Variants in DNER observed in about 807,000 individuals in gnomAD.
DNER encodes the protein delta and Notch-like epidermal growth factor-related receptor.
Under a neutral mutation model 78.2 loss-of-function variants are expected in DNER, and 33 were observed. That is an observed-to-expected ratio of 0.42 (90% CI 0.32 to 0.56). The LOEUF is 0.56. Ranked by LOEUF, DNER falls within the 20% of genes least tolerant of loss-of-function variation. The probability of loss-of-function intolerance (pLI) is 0.11; values close to 1 mark genes in which losing one functional copy is unlikely to be tolerated. For synonymous variants in DNER, 417 were observed against 384.8 expected (o/e 1.08, Z -0.98); for missense variants, 918 against 975.3 (o/e 0.94, Z 0.78).
intron 11 of DNER, among the ~76,000 whole-genome samples, chr2:229,382,807 G>C (rs1310319323): frequency 2.6e-5 from 4 of 152,148 alleles, no homozygotes; most frequent in African/African-American, 9.7e-5. Context: ...ACTTGAAAGT[G>C]ACGGGGAGAA....
intron 1 of DNER, among the ~76,000 whole-genome samples, chr2:229,656,911 C>A (rs1462018380): frequency 6.6e-6 from 1 of 151,590 alleles, no homozygotes; most frequent in Non-Finnish European, 1.5e-5. Context: ...GACATAATGA[C>A]TTAATACACA....
chr2:229,400,241 T>A (rs1693238387), intron 10 of DNER, among the ~76,000 whole-genome samples: 1 of 152,056 alleles, frequency 6.6e-6, no homozygotes, highest in Non-Finnish European at 1.5e-5. Flanking sequence ...AATTCATGTT[T>A]AGCTTAATAT....
chr2:229,648,843 C>T (rs952843457), intron 1 of DNER, among the ~76,000 whole-genome samples: 4 of 152,186 alleles, frequency 2.6e-5, no homozygotes, highest in African/African-American at 9.7e-5. Context: ...CTGAATAGTA[C>T]ACTTTGCCCC....
At position 229,678,130 on chromosome 2, in the gene DNER, G is replaced by A. The variant is rs142420013; in HGVS notation, c.276+36018C>T. 8.6e-3 allele frequency among the ~76,000 whole-genome samples: 1,316 copies of A among 152,242 alleles called. 23 individuals are homozygous for A. Among genetic ancestry groups the A allele is most frequent in the African/African-American group, 0.03 (1,249 of 41,528 alleles). ...TCATGCATGCCAGAATTTCTCATCC[G>A]AAACCATGCATGGCAGCAAGCAAGT... On this transcript the variant is annotated intron_variant, in intron 1 of 12. Coordinates refer to ENST00000341772, the MANE Select transcript of DNER (RefSeq NM_139072.4).
At chr2:229,608,664 T>G (rs1697986089) in intron 1 of DNER, among the ~76,000 whole-genome samples, 1 of 152,202 alleles carries the variant, frequency 6.6e-6, no homozygotes, top group Admixed American at 6.5e-5. Flanking sequence ...AAAAATATTT[T>G]AAGAGATGAA....
intron 1 of DNER, among the ~76,000 whole-genome samples, chr2:229,635,249 C>T (rs949353099): frequency 6.6e-6 from 1 of 151,790 alleles, no homozygotes; most frequent in African/African-American, 2.4e-5. Flanking sequence ...ATGCCTAGTA[C>T]AGCAGGAGAC....
At chr2:229,544,813 C>T (rs907044928) in intron 5 of DNER, among the ~76,000 whole-genome samples, 5 of 152,236 alleles carry the variant, frequency 3.3e-5, no homozygotes, top group Admixed American at 6.5e-5. Context: ...GGATTACAGG[C>T]GTGAGCCACT....
At chr2:229,631,954 T>A (rs1698439895) in intron 1 of DNER, among the ~76,000 whole-genome samples, 1 of 152,238 alleles carries the variant, frequency 6.6e-6, no homozygotes, top group Admixed American at 6.5e-5. Flanking sequence ...TTATGGTCAC[T>A]CTTATTACTA....
intron 11 of DNER, among the ~76,000 whole-genome samples, chr2:229,386,051 T>C (rs905378669): frequency 2.0e-5 from 3 of 152,108 alleles, no homozygotes; most frequent in Non-Finnish European, 2.9e-5. Flanking sequence ...GGAGGCATCA[T>C]GTTACCTGAT....
At chr2:229,475,342 G>A (rs1042702512) in intron 7 of DNER, among the ~76,000 whole-genome samples, 4 of 152,168 alleles carry the variant, frequency 2.6e-5, no homozygotes, top group African/African-American at 9.7e-5. Flanking sequence ...TGCCCTGCCT[G>A]CTTCCACCTG....
intron 1 of DNER, among the ~76,000 whole-genome samples, chr2:229,687,852 C>A (rs1371835252): frequency 6.6e-6 from 1 of 152,212 alleles, no homozygotes; most frequent in Non-Finnish European, 1.5e-5. Context: ...TGCTTTGGGT[C>A]ATACTGATGT....
At chr2:229,602,418 C>T (rs7588294) in intron 1 of DNER, among the ~76,000 whole-genome samples, 4,659 of 152,222 alleles carry the variant, frequency 0.031, 216 homozygotes, top group African/African-American at 0.097. Context: ...CTCTCTGAAA[C>T]TGGGAAGAAA....
At chr2:229,369,246 TTA>T (rs556773653) in intron 11 of DNER, among the ~76,000 whole-genome samples, 1 of 151,432 alleles carries the variant, frequency 6.6e-6, no homozygotes, top group African/African-American at 2.4e-5. Flanking sequence ...CCTAAAAAGT[TTA>T]AAAAAAAAGT....
At chr2:229,529,584 C>A (rs574650687) in intron 5 of DNER, among the ~76,000 whole-genome samples, 34 of 152,274 alleles carry the variant, frequency 2.2e-4, no homozygotes, top group Non-Finnish European at 4.4e-4. Context: ...TGATTTTGTT[C>A]AACTGTCCAT....
At chr2:229,488,973 T>C (rs997198137) in intron 6 of DNER, among the ~76,000 whole-genome samples, 6 of 152,224 alleles carry the variant, frequency 3.9e-5, no homozygotes, top group African/African-American at 1.4e-4. Flanking sequence ...TTCACAGTCA[T>C]TGGATTGTGG....
intron 1 of DNER, among the ~76,000 whole-genome samples, chr2:229,592,543 T>G (rs1697627031): frequency 1.3e-5 from 2 of 152,160 alleles, no homozygotes; most frequent in South Asian, 4.1e-4. Context: ...TAGAGAGAAA[T>G]GTGACCCCTT....
At chr2:229,365,978 C>G (rs911717457) in intron 12 of DNER, among the ~76,000 whole-genome samples, 1 of 152,168 alleles carries the variant, frequency 6.6e-6, no homozygotes, top group Admixed American at 6.5e-5. Context: ...AAAATGTTAT[C>G]TTAGTTGATT....
rs539161685 is a variant in DNER, at chr2:229,481,606, G to A, written c.1148-4353C>T. Among the ~76,000 whole-genome samples, 4 of 152,254 alleles carry A rather than the reference G, an allele frequency of 2.6e-5. No homozygotes were observed. The South Asian group carries it at 8.3e-4, about 32-fold the overall frequency. On this transcript the variant is annotated intron_variant, in intron 6 of 12. Coordinates refer to ENST00000341772, the MANE Select transcript of DNER (RefSeq NM_139072.4). ...GTTTTTTATTTGATCTCATAATCAAGGAGTCAAAACTAAATGAGTGACTGG... is the reference window on the plus strand; with the variant it reads ...GTTTTTTATTTGATCTCATAATCAAAGAGTCAAAACTAAATGAGTGACTGG...
chr2:229,591,798 A>C lies in DNER; in HGVS notation c.367T>G (p.Cys123Gly), dbSNP rs1363531862. The change falls in exon 2 of 13, where the codon TGC becomes GGC. Residue 123 changes from cysteine to glycine, a missense_variant. By Grantham distance (159) the Cys-to-Gly change is radical. Transcript: ENST00000341772. This position sits in a 1 kb window ranked among gnomAD's most constrained non-coding sequence, Gnocchi z 4.6. ...TTGGGACCTTCATAGCCTTCATTGC[A>C]AATGCAGAGGTAGCCATCGCTGCTG... is the stretch of plus-strand genomic sequence containing the variant. ...SSSSDGYLCI[C>G]NEGYEGPNCE... 1.9e-6 allele frequency: 3 copies of C among 1,613,932 alleles called. No homozygotes were observed. Among genetic ancestry groups the C allele is most frequent in the Non-Finnish European group, 2.5e-6 (3 of 1,179,946 alleles).
Sources: allele counts gnomAD v4.1 joint callset (sites outside exome capture counted in the v4.1 genomes callset), GRCh38; gene constraint gnomAD v4.1.1; non-coding constraint Gnocchi (gnomAD v3.1); transcripts MANE v1.5; gene names NCBI Gene and HGNC (gene_info 2026-07-23, HGNC 2026-07-21).